The following PCDHGA2 variants were observed in gnomAD, a reference collection of about 807,000 sequenced individuals.
PCDHGA2 encodes the protein protocadherin gamma subfamily A, 2.
Under a neutral mutation model 59.2 loss-of-function variants are expected in PCDHGA2, and 40 were observed. The observed-to-expected ratio is 0.68, with a 90% confidence interval of 0.52 to 0.88. PCDHGA2 has a LOEUF of 0.88. Among genes scored for constraint, PCDHGA2 ranks in the 40% least tolerant of loss-of-function variants. The pLI is 0.00. For missense variants in PCDHGA2, 1,226 were observed against 1,204.0 expected, an observed-to-expected ratio of 1.02 and a Z score of -0.27; for synonymous variants, 560 against 526.0, an observed-to-expected ratio of 1.06 and a Z score of -0.89.
chr5:141,392,879 G>C, intron 1 of PCDHGA2: 1 of 1,613,512 alleles, frequency 6.2e-7, no homozygotes, highest in Non-Finnish European at 8.5e-7. Context: ...TGCTGGGAAC[G>C]CTGTGGGAAA....
At chr5:141,464,091 T>G (rs2099075583) in intron 1 of PCDHGA2, among the ~76,000 whole-genome samples, 1 of 151,812 alleles carries the variant, frequency 6.6e-6, no homozygotes, top group African/African-American at 2.4e-5. Flanking sequence ...ATGGTGAAAC[T>G]CCGTCTCTAC....
At chr5:141,484,660 T>G in intron 1 of PCDHGA2, among the ~76,000 whole-genome samples, 1 of 151,976 alleles carries the variant, frequency 6.6e-6, no homozygotes, top group Non-Finnish European at 1.5e-5. Flanking sequence ...ACTCTCCCTC[T>G]CAGTGGGCCG....
rs1253223100 is a variant in PCDHGA2 at position 141,493,049 on chromosome 5, T to C, written c.2425-1758T>C. Among the ~76,000 whole-genome samples the C allele has an allele frequency of 6.6e-6, 1 of 152,188 alleles. No homozygotes were observed. Among genetic ancestry groups the C allele is most frequent in the Non-Finnish European group, 1.5e-5 (1 of 68,032 alleles). Reference sequence around the variant, plus strand: ...GCCCTTATGTGTGAGGAAACTACAATAGTAAAAAACACAAGTTTCTCCAAC... The same window carrying C: ...GCCCTTATGTGTGAGGAAACTACAACAGTAAAAAACACAAGTTTCTCCAAC... On this transcript the variant is annotated intron_variant, in intron 1 of 3. Transcript: ENST00000394576. This position sits in a 1 kb window ranked among gnomAD's most constrained non-coding sequence, Gnocchi z 4.3.
chr5:141,438,767 T>C (rs1478209487), intron 1 of PCDHGA2, among the ~76,000 whole-genome samples: 2 of 148,566 alleles, frequency 1.3e-5, no homozygotes, highest in Non-Finnish European at 3.0e-5. Flanking sequence ...GTTCAAGCGA[T>C]TCTCCTGCCT....
At chr5:141,372,541 G>A (rs376822583) in intron 1 of PCDHGA2, 28 of 1,613,862 alleles carry the variant, frequency 1.7e-5, no homozygotes, top group Non-Finnish European at 2.0e-5. Flanking sequence ...CTGCGCCTGC[G>A]ATGCTCCTCC....
intron 1 of PCDHGA2, among the ~76,000 whole-genome samples, chr5:141,466,594 C>G (rs557960608): frequency 6.6e-6 from 1 of 152,268 alleles, no homozygotes; most frequent in Admixed American, 6.5e-5. Flanking sequence ...TTAAAACAAG[C>G]TAGCTACTTG....
intron 1 of PCDHGA2, among the ~76,000 whole-genome samples, chr5:141,469,802 CATT>C (rs2099211643): frequency 6.6e-6 from 1 of 152,022 alleles, no homozygotes; most frequent in Admixed American, 6.6e-5. Context: ...ATTGCAAAAA[CATT>C]GTAGATAGAA....
intron 1 of PCDHGA2, among the ~76,000 whole-genome samples, chr5:141,468,738 T>C (rs965510711): frequency 3.0e-4 from 46 of 151,958 alleles, no homozygotes; most frequent in South Asian, 2.1e-3. Flanking sequence ...TGGTGGCGGG[T>C]GCCTGTAGTC....
At chr5:141,365,555 G>A in intron 1 of PCDHGA2, 2 of 1,613,642 alleles carry the variant, frequency 1.2e-6, no homozygotes, top group South Asian at 1.1e-5. Context: ...AACAACTAGG[G>A]ACCTGGACAG....
At chr5:141,351,600 T>C (rs1758767582) in intron 1 of PCDHGA2, 1 of 1,613,908 alleles carries the variant, frequency 6.2e-7, no homozygotes, top group Admixed American at 1.7e-5. Context: ...AATGCACCTG[T>C]TTTCCATCAG....
rs377438861 is a variant in PCDHGA2, at chr5:141,364,705, T to G, written c.2424+23310T>G. The G allele has an allele frequency of 8.1e-6, 13 of 1,613,854 alleles. No individual in the cohort carries two copies. The highest frequency in any genetic ancestry group is 6.8e-6 in the Non-Finnish European group (8 of 1,179,894). Reference sequence around the variant, plus strand: ...ATGGAGTAGAAGTAGAAATAATCGATATTAATGATAACTTCCCGCGTTTCC... The same window carrying G: ...ATGGAGTAGAAGTAGAAATAATCGAGATTAATGATAACTTCCCGCGTTTCC... On this transcript the variant is annotated intron_variant, in intron 1 of 3. Transcript: ENST00000394576.
chr5:141,475,749 A>G (rs1039777629), intron 1 of PCDHGA2, among the ~76,000 whole-genome samples: 13 of 152,278 alleles, frequency 8.5e-5, no homozygotes, highest in Admixed American at 6.5e-5. Context: ...TAGGTTTCCT[A>G]TGCACCGATA....
chr5:141,392,298 G>T (rs568188111), intron 1 of PCDHGA2: 3 of 152,090 alleles, frequency 2.0e-5, no homozygotes, highest in African/African-American at 7.2e-5. Flanking sequence ...GGAAATGAAA[G>T]TATCATGTTT....
chr5:141,464,517 G>A lies in PCDHGA2; in HGVS notation c.2425-30290G>A, dbSNP rs1487703873. 2.0e-5 allele frequency among the ~76,000 whole-genome samples: 3 copies of A among 151,862 alleles called. No individual in the cohort carries two copies. In the South Asian group the frequency reaches 6.2e-4, roughly 32 times the overall value. On this transcript the variant is annotated intron_variant, in intron 1 of 3. Transcript: ENST00000394576. ...GTGATTGCTGCATCATAAGGTAAAG[G>A]CATATGTAGTTTTGTTAAATATAGC...
chr5:141,344,934 G>C, intron 1 of PCDHGA2: 3 of 1,613,922 alleles, frequency 1.9e-6, no homozygotes, highest in Non-Finnish European at 2.5e-6. Context: ...GAGTGGAGAA[G>C]TATCAATATT....
At chr5:141,441,886 A>C (rs2098281968) in intron 1 of PCDHGA2, 1 of 345,040 alleles carries the variant, frequency 2.9e-6, no homozygotes, top group Non-Finnish European at 5.6e-6. Flanking sequence ...CCTGGTCACC[A>C]AGGTGGTGGC....
At chr5:141,382,796 G>T (rs1271325084) in intron 1 of PCDHGA2, 1 of 990,558 alleles carries the variant, frequency 1.0e-6, no homozygotes, top group Non-Finnish European at 1.5e-6. Context: ...CTATCCTGCT[G>T]GATTCTGAGC....
Position 141,371,988 on chromosome 5 carries a change from C to T in PCDHGA2, c.2424+30593C>T, listed in dbSNP as rs1283820650. 4 of 1,613,144 alleles carry T rather than the reference C, an allele frequency of 2.5e-6. No homozygotes were observed. The African/African-American group carries it at 5.3e-5, about 22-fold the overall frequency. The stretch of plus-strand genomic sequence containing the variant: ...GCAGCTGCGTGCCTTCGAGCTCACT[C>T]TGCAGGCCCGCGACCAGGGCTCGCC... On this transcript the variant is annotated intron_variant, in intron 1 of 3. Coordinates refer to ENST00000394576, the MANE Select transcript of PCDHGA2 (RefSeq NM_018915.4).
chr5:141,349,659 G>A (rs942045169), intron 1 of PCDHGA2, among the ~76,000 whole-genome samples: 4 of 151,804 alleles, frequency 2.6e-5, no homozygotes, highest in African/African-American at 9.7e-5. Flanking sequence ...ACTAGATAAG[G>A]GAGCTTATTC....
Sources: allele counts gnomAD v4.1 joint callset (sites outside exome capture counted in the v4.1 genomes callset), GRCh38; gene constraint gnomAD v4.1.1; non-coding constraint Gnocchi (gnomAD v3.1); transcripts MANE v1.5; gene names NCBI Gene and HGNC (gene_info 2026-07-23, HGNC 2026-07-21).